The following KDM4C variants were observed in gnomAD, a reference collection of about 807,000 sequenced individuals.
The protein encoded by KDM4C is lysine demethylase 4C, also known as lysine-specific demethylase 4C.
In KDM4C, 81 loss-of-function variants were observed where a neutral mutation model predicts 129.3. That is an observed-to-expected ratio of 0.63 (90% CI 0.52 to 0.75). KDM4C has a LOEUF of 0.75. KDM4C is among the 30% of genes least tolerant of loss of function. The pLI, the probability that KDM4C is intolerant of heterozygous loss-of-function variation, is 0.00. For missense variants in KDM4C, 1,457 were observed against 1,304.0 expected (o/e 1.12, Z -1.81); for synonymous variants, 573 against 456.1 (o/e 1.26, Z -3.26).
chr9:7,060,756 A>G (rs1349599230), intron 17 of KDM4C, among the ~76,000 whole-genome samples: 1 of 152,102 alleles, frequency 6.6e-6, no homozygotes, highest in Non-Finnish European at 1.5e-5. Flanking sequence ...CTGGGATCAT[A>G]GGTGTGAGCC....
intron 8 of KDM4C, among the ~76,000 whole-genome samples, chr9:6,930,677 T>C (rs1448876034): frequency 1.1e-4 from 8 of 70,406 alleles, no homozygotes; most frequent in African/African-American, 3.9e-4. Flanking sequence ...ACAATTAATA[T>C]ATAATATATT....
intron 2 of KDM4C, among the ~76,000 whole-genome samples, chr9:6,800,794 T>C (rs1005731746): frequency 6.6e-6 from 1 of 151,972 alleles, no homozygotes; most frequent in Non-Finnish European, 1.5e-5. Flanking sequence ...ACCTGGCTAA[T>C]TTTTGTATTT....
chr9:6,974,336 A>G (rs770205129), intron 8 of KDM4C, among the ~76,000 whole-genome samples: 17 of 152,190 alleles, frequency 1.1e-4, no homozygotes, highest in Non-Finnish European at 2.2e-4. Context: ...ATTCAACAAT[A>G]TGCATCCATG....
At chr9:7,006,914 G>A (rs558427110) in intron 12 of KDM4C, among the ~76,000 whole-genome samples, 18 of 152,082 alleles carry the variant, frequency 1.2e-4, no homozygotes, top group African/African-American at 1.7e-4. Flanking sequence ...AGGCAAGTTC[G>A]TTTATAAAAT....
intron 4 of KDM4C, among the ~76,000 whole-genome samples, chr9:6,821,433 T>G (rs1282302805): frequency 6.6e-6 from 1 of 152,216 alleles, no homozygotes; most frequent in Admixed American, 6.5e-5. Context: ...TGAGATGGTA[T>G]CTCATTGTGG....
Position 7,011,904 on chromosome 9 carries a change from C to G in KDM4C, c.1968+25C>G, listed in dbSNP as rs201206902. 11 of 1,585,980 alleles carry G rather than the reference C, an allele frequency of 6.9e-6. No individual in the cohort carries two copies. The East Asian group carries it at 1.8e-4, about 26-fold the overall frequency. On this transcript the variant is annotated intron_variant, in intron 13 of 21. Transcript: ENST00000381309. ...GGTAAAGGAGCCTGCTATCATAGTTCCCTTCACTGCTCTGCCTTCCATGTG... is the reference window on the plus strand; with the variant it reads ...GGTAAAGGAGCCTGCTATCATAGTTGCCTTCACTGCTCTGCCTTCCATGTG...
chr9:6,782,505 G>C (rs1442010834), intron 1 of KDM4C, among the ~76,000 whole-genome samples: 3 of 152,154 alleles, frequency 2.0e-5, no homozygotes, highest in African/African-American at 7.2e-5. Context: ...TTAAGAGAAT[G>C]AACATTAATG....
At chr9:7,084,005 C>T (rs1057355068) in intron 17 of KDM4C, among the ~76,000 whole-genome samples, 1 of 152,104 alleles carries the variant, frequency 6.6e-6, no homozygotes, top group Admixed American at 6.5e-5. Flanking sequence ...ATCTTTGGAT[C>T]CTTGTAATCA....
At position 7,128,096 on chromosome 9, in the gene KDM4C, G is replaced by A. The variant is rs757535946; in HGVS notation, c.2641G>A (p.Val881Met). The A allele has an allele frequency of 2.7e-5, 43 of 1,592,008 alleles. No homozygotes were observed. The highest frequency in any genetic ancestry group is 1.4e-4 in the South Asian group (12 of 86,378). Residue 881 changes from valine to methionine, a missense_variant, in exon 19 of 22, where the codon GTG (valine) becomes ATG (methionine). Physicochemically the swap from Val to Met is conservative, Grantham distance 21. Transcript: ENST00000381309. ...CAAGGCTTGCGAGAAGGTCATTTCC[G>A]TGGGTCAAACGGTCATCACGAAGCA... is the stretch of plus-strand genomic sequence containing the variant. ...KSKACEKVIS[V>M]GQTVITKHRN...
intron 8 of KDM4C, among the ~76,000 whole-genome samples, chr9:6,905,492 A>G (rs1336926797): frequency 3.3e-5 from 5 of 152,154 alleles, no homozygotes; most frequent in African/African-American, 1.2e-4. Context: ...AGTCTTTGAC[A>G]TTTGTTTAGA....
intron 5 of KDM4C, among the ~76,000 whole-genome samples, chr9:6,863,492 A>T (rs1841345158): frequency 6.6e-6 from 1 of 152,118 alleles, no homozygotes; most frequent in Non-Finnish European, 1.5e-5. Flanking sequence ...ATGTACAGAG[A>T]TCACATGGTA....
chr9:6,804,995 G>C (rs1385799441), intron 2 of KDM4C, among the ~76,000 whole-genome samples: 1 of 151,898 alleles, frequency 6.6e-6, no homozygotes, highest in Admixed American at 6.6e-5. Flanking sequence ...CTGCCTCTTG[G>C]GTTCAAGCGA....
chr9:7,060,854 T>C (rs10976014), intron 17 of KDM4C, among the ~76,000 whole-genome samples: 16,334 of 152,154 alleles, frequency 0.11, 1,145 homozygotes, highest in East Asian at 0.4. Context: ...TTAGATTGTT[T>C]AGAGATGGTT....
chr9:7,111,990 A>G (rs1240489735), intron 18 of KDM4C, among the ~76,000 whole-genome samples: 1 of 152,024 alleles, frequency 6.6e-6, no homozygotes, highest in Non-Finnish European at 1.5e-5. Context: ...AGCAAGACCC[A>G]CAGGTACTCA....
intron 1 of KDM4C, among the ~76,000 whole-genome samples, chr9:6,773,729 C>T (rs915873880): frequency 4.0e-5 from 6 of 151,082 alleles, no homozygotes. Flanking sequence ...CAAGATCGCA[C>T]CATGGCACCC....
At chr9:6,790,654 CAAAAAAAAAAAAAAAA>C (rs1186296239) in intron 1 of KDM4C, among the ~76,000 whole-genome samples, 1 of 65,216 alleles carries the variant, frequency 1.5e-5, no homozygotes. Flanking sequence ...TTAAATTCAG[CAAAAAAAAAAAAAAAA>C]AAAAAAAAAA....
At chr9:6,966,910 G>A (rs1221228945) in intron 8 of KDM4C, among the ~76,000 whole-genome samples, 2 of 152,098 alleles carry the variant, frequency 1.3e-5, no homozygotes. Flanking sequence ...ATCACAGAAT[G>A]CAATAATCAT....
At chr9:6,751,022 C>T (rs1419977616) in intron 1 of KDM4C, among the ~76,000 whole-genome samples, 1 of 152,176 alleles carries the variant, frequency 6.6e-6, no homozygotes, top group East Asian at 1.9e-4. Context: ...GCTAGAAGAA[C>T]TTCCTTACAT....
chr9:6,859,431 C>G (rs1045659854), intron 5 of KDM4C, among the ~76,000 whole-genome samples: 1 of 141,246 alleles, frequency 7.1e-6, no homozygotes, highest in Non-Finnish European at 1.5e-5. Flanking sequence ...GCTGATATCA[C>G]GCCACTGCAC....
Sources: gnomAD v4.1 joint callset for allele counts (sites outside exome capture counted in the v4.1 genomes callset) on GRCh38, gnomAD v4.1.1 for gene constraint, MANE v1.5 for transcripts, NCBI Gene and HGNC (gene_info 2026-07-23, HGNC 2026-07-21) for gene names.